PDE3B: variants seen among roughly 807,000 people sequenced by gnomAD.
PDE3B encodes cGMP-inhibited 3',5'-cyclic phosphodiesterase 3B.
A neutral mutation model predicts 116.8 loss-of-function variants in PDE3B; 66 were observed. That is an observed-to-expected ratio of 0.56 (90% CI 0.46 to 0.69). The LOEUF (loss-of-function observed/expected upper bound fraction) is 0.69, where lower values mean the gene tolerates loss of function less well. PDE3B is among the 30% of genes least tolerant of loss of function. The pLI, the probability that PDE3B is intolerant of heterozygous loss-of-function variation, is 0.00. For synonymous variants in PDE3B, 595 were observed against 533.6 expected (o/e 1.12, Z -1.59); for missense variants, 1,384 against 1,368.1 (o/e 1.01, Z -0.18).
chr11:14,735,994 G>GTGTA (rs1856587796), intron 1 of PDE3B, among the ~76,000 whole-genome samples: 1 of 151,600 alleles, frequency 6.6e-6, no homozygotes, highest in South Asian at 2.1e-4. Flanking sequence ...GTGTGTGTGT[G>GTGTA]TGACTCCTTA....
In PDE3B at chr11:14,786,553, T is replaced by C; in HGVS notation, c.1146T>C (p.Ser382=). 6.2e-7 allele frequency: 1 copy of C among 1,613,286 alleles called. No homozygotes were observed. The highest frequency in any genetic ancestry group is 8.5e-7 in the Non-Finnish European group (1 of 1,179,472). The change falls in exon 3 of 16, where the codon AGT becomes AGC. Residue 382 remains serine, a synonymous_variant. Transcript: ENST00000282096. ...CACAAGTCATTTCCTCTCTACGGAG[T>C]ATTAGTAGCTTAATGGGTGCTTTCT... ...LPPQVISSLR[S]ISSLMGAFSG...
intron 1 of PDE3B, among the ~76,000 whole-genome samples, chr11:14,751,746 A>G (rs901086912): frequency 2.0e-5 from 3 of 152,184 alleles, no homozygotes; most frequent in African/African-American, 7.2e-5. Flanking sequence ...GACATCCTGA[A>G]AAGTGTTCAG....
At chr11:14,670,466 C>T (rs1040715097) in intron 1 of PDE3B, among the ~76,000 whole-genome samples, 3 of 152,022 alleles carry the variant, frequency 2.0e-5, no homozygotes, top group African/African-American at 7.2e-5. Context: ...TTCATGAGAA[C>T]CTCCAGTATC....
At chr11:14,824,943 C>T (rs1462145989) in intron 7 of PDE3B, among the ~76,000 whole-genome samples, 1 of 151,992 alleles carries the variant, frequency 6.6e-6, no homozygotes, top group Non-Finnish European at 1.5e-5. Flanking sequence ...CAGCAGAAAC[C>T]CTACAAGCCA....
In PDE3B at chr11:14,644,292, T is replaced by C. The variant is rs1362040803; in HGVS notation, c.217T>C (p.Ser73Pro). 1.9e-6 allele frequency: 3 copies of C among 1,565,338 alleles called. No homozygotes were observed. Among genetic ancestry groups the C allele is most frequent in the Non-Finnish European group, 2.6e-6 (3 of 1,162,222 alleles). Residue 73 changes from serine to proline, a missense_variant, in exon 1 of 16, where the codon TCC (serine) becomes CCC (proline). By Grantham distance (74) the Ser-to-Pro change is moderately conservative (BLOSUM62 -1). Coordinates refer to ENST00000282096, the MANE Select transcript of PDE3B (RefSeq NM_000922.4). ...CTCTCCCCAGCAGCCGCGGCGCTGC[T>C]CCCCCTTCTGCCGGGCGCGCCTCTC... is the stretch of plus-strand genomic sequence containing the variant. ...PASPQQPRRC[S>P]PFCRARLSLG...
chr11:14,885,239 G>A, the PDE3B span, among the ~76,000 whole-genome samples: 7 of 151,986 alleles, frequency 4.6e-5, no homozygotes, highest in South Asian at 2.1e-4. Context: ...TCTTCTTACC[G>A]ATTTTGTCAA....
the PDE3B span, among the ~76,000 whole-genome samples, chr11:14,896,934 A>G: frequency 6.6e-6 from 1 of 152,240 alleles, no homozygotes; most frequent in Non-Finnish European, 1.5e-5. Flanking sequence ...CCACAGCAAC[A>G]ATTCTGGAGA....
intron 1 of PDE3B, among the ~76,000 whole-genome samples, chr11:14,724,213 G>C (rs1239858188): frequency 6.6e-6 from 1 of 152,148 alleles, no homozygotes; most frequent in African/African-American, 2.4e-5. Context: ...ATTACCAGGG[G>C]GTTGGGGAGA....
chr11:14,721,657 A>G (rs1299692135), intron 1 of PDE3B, among the ~76,000 whole-genome samples: 1 of 140,702 alleles, frequency 7.1e-6, no homozygotes, highest in East Asian at 2.1e-4. Flanking sequence ...CATCATTCTC[A>G]GTAAACTATC....
chr11:14,859,641 A>G (rs953975074), intron 13 of PDE3B, among the ~76,000 whole-genome samples: 4 of 152,234 alleles, frequency 2.6e-5, no homozygotes, highest in African/African-American at 9.6e-5. Flanking sequence ...TTAAGAATCC[A>G]GTTAATTATG....
intron 1 of PDE3B, among the ~76,000 whole-genome samples, chr11:14,665,500 A>C (rs568959040): frequency 1.3e-5 from 2 of 152,332 alleles, no homozygotes; most frequent in African/African-American, 4.8e-5. Context: ...AGATGACATG[A>C]TTGTATACCT....
At chr11:14,864,036 T>C (rs1047385901) in intron 14 of PDE3B, among the ~76,000 whole-genome samples, 3 of 152,132 alleles carry the variant, frequency 2.0e-5, no homozygotes, top group Admixed American at 6.6e-5. Flanking sequence ...TTAAGACCCA[T>C]CAGTGTGCTG....
At position 14,711,883 on chromosome 11, in the gene PDE3B, C is replaced by A. The variant is rs139728601; in HGVS notation, c.979-60054C>A. Among the ~76,000 whole-genome samples the A allele has an allele frequency of 2.6e-5, 4 of 152,264 alleles. No homozygotes were observed. The East Asian group carries it at 7.7e-4, about 29-fold the overall frequency. On this transcript the variant is annotated intron_variant, in intron 1 of 15. Coordinates refer to ENST00000282096, the MANE Select transcript of PDE3B (RefSeq NM_000922.4). ...ATGGCCGTATTCACTTGGAAGTTTGCAATTTGATTAAGGTTTGAGAACATG... is the reference window on the plus strand; with the variant it reads ...ATGGCCGTATTCACTTGGAAGTTTGAAATTTGATTAAGGTTTGAGAACATG...
intron 2 of PDE3B, chr11:14,773,385 T>A (rs1857698289): frequency 6.6e-6 from 1 of 152,140 alleles, no homozygotes; most frequent in Non-Finnish European, 1.5e-5. Flanking sequence ...AATTTTGAAT[T>A]TGTGTTTATG....
At chr11:14,713,562 C>A (rs1471963585) in intron 1 of PDE3B, among the ~76,000 whole-genome samples, 1 of 152,136 alleles carries the variant, frequency 6.6e-6, no homozygotes, top group Non-Finnish European at 1.5e-5. Context: ...ATACTGCCAG[C>A]TTTCTTGGTT....
chr11:14,646,798 T>C (rs561037180), intron 1 of PDE3B, among the ~76,000 whole-genome samples: 88 of 152,264 alleles, frequency 5.8e-4, no homozygotes, highest in Non-Finnish European at 1.1e-3. Flanking sequence ...TATATAGCTA[T>C]ACCAGGTAGC....
chr11:14,816,947 A>G (rs1859350986), intron 5 of PDE3B, among the ~76,000 whole-genome samples: 1 of 152,216 alleles, frequency 6.6e-6, no homozygotes, highest in African/African-American at 2.4e-5. Flanking sequence ...GTATATACCC[A>G]AAGGATTATA....
chr11:14,841,841 G>T (rs960825621), intron 11 of PDE3B, among the ~76,000 whole-genome samples: 1 of 150,040 alleles, frequency 6.7e-6, no homozygotes, highest in Non-Finnish European at 1.5e-5. Context: ...ATGCTGTTTT[G>T]ATTACTATCG....
At chr11:14,690,773 A>G (rs1387318430) in intron 1 of PDE3B, among the ~76,000 whole-genome samples, 1 of 152,160 alleles carries the variant, frequency 6.6e-6, no homozygotes, top group Non-Finnish European at 1.5e-5. Context: ...TAAGGAAGGC[A>G]GTTGCATTTG....
Sources: gnomAD v4.1 joint callset for allele counts (sites outside exome capture counted in the v4.1 genomes callset) on GRCh38, gnomAD v4.1.1 for gene constraint, MANE v1.5 for transcripts, NCBI Gene and HGNC (gene_info 2026-07-23, HGNC 2026-07-21) for gene names.